The following COL11A1 variants were observed in gnomAD, a reference collection of about 807,000 sequenced individuals.
COL11A1 encodes the protein collagen alpha-1(XI) chain.
Under a neutral mutation model 265.2 loss-of-function variants are expected in COL11A1, and 74 were observed. That is an observed-to-expected ratio of 0.28 (90% CI 0.23 to 0.34). COL11A1 has a LOEUF of 0.34. Among genes scored for constraint, COL11A1 ranks in the 10% least tolerant of loss-of-function variants. COL11A1 has a pLI of 1.00. For synonymous variants in COL11A1, 816 were observed against 727.6 expected, an observed-to-expected ratio of 1.12 and a Z score of -1.96; for missense variants, 2,165 against 2,263.6, an observed-to-expected ratio of 0.96 and a Z score of 0.88.
intron 14 of COL11A1, among the ~76,000 whole-genome samples, chr1:103,009,802 G>C (rs1665950091): frequency 1.3e-5 from 2 of 152,012 alleles, no homozygotes. Flanking sequence ...AAAAAGTCAA[G>C]TAACATGAAT....
At chr1:103,010,862 G>A (rs746051245) in intron 14 of COL11A1, among the ~76,000 whole-genome samples, 6 of 151,874 alleles carry the variant, frequency 4.0e-5, no homozygotes, top group Non-Finnish European at 8.8e-5. Context: ...CACCACACCC[G>A]GCGAATTTTC....
At chr1:103,041,155 G>A (rs1668783581) in intron 4 of COL11A1, among the ~76,000 whole-genome samples, 1 of 151,896 alleles carries the variant, frequency 6.6e-6, no homozygotes, top group African/African-American at 2.4e-5. Context: ...CACAGAGTTA[G>A]CATTAGAATT....
chr1:102,972,012 C>A (rs1175896936), intron 36 of COL11A1, among the ~76,000 whole-genome samples: 2 of 152,124 alleles, frequency 1.3e-5, no homozygotes, highest in African/African-American at 4.8e-5. Flanking sequence ...GTTTTGCCCT[C>A]AGTTTGGAGG....
chr1:103,092,969 A>AAAAC (rs201458760), intron 1 of COL11A1, among the ~76,000 whole-genome samples: 1 of 152,034 alleles, frequency 6.6e-6, no homozygotes, highest in Non-Finnish European at 1.5e-5. Flanking sequence ...CATTGTTCCA[A>AAAAC]AAACAAACAA....
At chr1:102,894,085 T>TATAAA (rs1021424427) in intron 57 of COL11A1, among the ~76,000 whole-genome samples, 3 of 152,150 alleles carry the variant, frequency 2.0e-5, no homozygotes, top group African/African-American at 7.2e-5. Context: ...CTTAAAAGAA[T>TATAAA]ACAAAACAAA....
chr1:102,989,316 C>A (rs1174765244), intron 29 of COL11A1, among the ~76,000 whole-genome samples: 3 of 151,856 alleles, frequency 2.0e-5, no homozygotes, highest in Non-Finnish European at 4.4e-5. Context: ...GGAAATATAA[C>A]ATCTAAAAGA....
In COL11A1 at chr1:103,001,955, T is replaced by G; in HGVS notation, c.2112A>C (p.Pro704=). 1 of 1,613,174 alleles carries G rather than the reference T, an allele frequency of 6.2e-7. No individual in the cohort carries two copies. The highest frequency in any genetic ancestry group is 8.5e-7 in the Non-Finnish European group (1 of 1,179,206). Residue 704 remains proline (P), a synonymous_variant, in exon 24 of 67, where the codon CCA becomes CCC. Coordinates refer to ENST00000370096, the MANE Select transcript of COL11A1 (RefSeq NM_001854.4). ...GNPGPQGLPG[P]QGPIGPPGEK... ...CACCAGGAGGACCAATTGGACCTTG[T>G]GGACCAGGAAGACCCTATTTTAAAA...
intron 4 of COL11A1, among the ~76,000 whole-genome samples, chr1:103,047,159 C>G (rs1669350401): frequency 6.6e-6 from 1 of 151,940 alleles, no homozygotes; most frequent in Admixed American, 6.6e-5. Flanking sequence ...CATTGGTAGC[C>G]CAATGGGGAC....
chr1:102,987,868 G>A (rs1663736498), intron 29 of COL11A1, 128 bp from the exon 30 acceptor site: 1 of 722,486 alleles, frequency 1.4e-6, no homozygotes, highest in African/African-American at 1.7e-5. Flanking sequence ...CCTTCAAACT[G>A]CCCTTGATCG....
chr1:102,980,949 G>A (rs1263211956), intron 31 of COL11A1, among the ~76,000 whole-genome samples: 5 of 152,054 alleles, frequency 3.3e-5, no homozygotes, highest in Non-Finnish European at 5.9e-5. Flanking sequence ...CCTACTCACA[G>A]GAGGTAACTA....
At chr1:102,947,479 T>C (rs1659420687) in intron 41 of COL11A1, among the ~76,000 whole-genome samples, 1 of 152,152 alleles carries the variant, frequency 6.6e-6, no homozygotes, top group Non-Finnish European at 1.5e-5. Context: ...AAATAACATT[T>C]GATAATCACT....
intron 4 of COL11A1, among the ~76,000 whole-genome samples, chr1:103,047,443 A>G (rs1669385555): frequency 1.3e-5 from 2 of 152,168 alleles, no homozygotes; most frequent in Admixed American, 1.3e-4. Flanking sequence ...TGATTTTTGC[A>G]CATTGATTTT....
At chr1:102,878,613 C>A (rs1649837652) in intron 66 of COL11A1, among the ~76,000 whole-genome samples, 1 of 149,740 alleles carries the variant, frequency 6.7e-6, no homozygotes, top group Admixed American at 6.7e-5. Flanking sequence ...TGGTTTCAAG[C>A]CATTCTCCTG....
At position 102,883,232 on chromosome 1, in the gene COL11A1, C is replaced by T; in HGVS notation, c.4938G>A (p.Glu1646=). ...ATTTTTTGTCTGGATAAATGCAAGT[C>T]TCACCACCAGATGTGAAATTACAGT... ...KVYCNFTSGG[E]TCIYPDKKSE... The change falls in exon 64 of 67, where the codon GAG becomes GAA. Residue 1646 remains glutamate (E), a synonymous_variant. Coordinates refer to ENST00000370096, the MANE Select transcript of COL11A1 (RefSeq NM_001854.4). 6.2e-7 allele frequency: 1 copy of T among 1,613,534 alleles called. No homozygotes were observed. The highest frequency in any genetic ancestry group is 8.5e-7 in the Non-Finnish European group (1 of 1,179,646).
At chr1:103,001,887 T>C in intron 24 of COL11A1, 38 bp downstream of exon 24, 3 of 1,601,804 alleles carry the variant, frequency 1.9e-6, no homozygotes, top group Non-Finnish European at 2.6e-6. Flanking sequence ...AAAACAAACA[T>C]GTTCACCAGG....
chr1:103,102,610 T>C (rs565386288), intron 1 of COL11A1, among the ~76,000 whole-genome samples: 1 of 152,084 alleles, frequency 6.6e-6, no homozygotes, highest in East Asian at 1.9e-4. Context: ...CCATGCTTGA[T>C]TACTTCTCCA....
chr1:103,025,618 T>A lies in COL11A1; in HGVS notation c.898-5A>T, dbSNP rs745312462. The A allele has an allele frequency of 6.2e-7, 1 of 1,612,050 alleles. No homozygotes were observed. The highest frequency in any genetic ancestry group is 8.5e-7 in the Non-Finnish European group (1 of 1,178,430). On this transcript the variant is annotated splice_region_variant and splice_polypyrimidine_tract_variant and intron_variant, in intron 6 of 66. Coordinates refer to ENST00000370096, the MANE Select transcript of COL11A1 (RefSeq NM_001854.4). ...AAAATCATCAACGATGTTTGCCTAA[T>A]GGTAAATTCAGAAGAGAATTAGTAA...
intron 17 of COL11A1, 47 bp from the exon 18 acceptor site, chr1:103,005,938 C>A (rs751580806): frequency 6.2e-7 from 1 of 1,611,156 alleles, no homozygotes; most frequent in Non-Finnish European, 8.5e-7. Context: ...CATCACAATT[C>A]CAGTCTAGAT....
Position 102,898,108 on chromosome 1 carries a change from GA to G in COL11A1, c.4302+16del. On this transcript the variant is annotated intron_variant, in intron 57 of 66. Transcript: ENST00000370096. ...AGAAATTCTCACTTTTTAAATGACT[GA>G]AAAGATCTTACTCACCATAGGACCA... 6.5e-7 allele frequency: 1 copy of G among 1,540,076 alleles called. No individual in the cohort carries two copies. Among genetic ancestry groups the G allele is most frequent in the South Asian group, 1.2e-5 (1 of 82,980 alleles).
Sources: allele counts gnomAD v4.1 joint callset (sites outside exome capture counted in the v4.1 genomes callset), GRCh38; gene constraint gnomAD v4.1.1; transcripts MANE v1.5; gene names NCBI Gene and HGNC (gene_info 2026-07-23, HGNC 2026-07-21).